Variants in TOP1 observed in about 807,000 individuals in gnomAD.
The protein encoded by TOP1 is DNA topoisomerase 1.
A neutral mutation model predicts 111.1 loss-of-function variants in TOP1; 10 were observed. The observed-to-expected ratio is 0.09, with a 90% confidence interval of 0.06 to 0.15. TOP1 has a LOEUF of 0.15. Ranked by LOEUF, TOP1 falls within the 10% of genes least tolerant of loss-of-function variation. TOP1 has a pLI of 1.00. For missense variants in TOP1, 474 were observed against 926.7 expected, an observed-to-expected ratio of 0.51 and a Z score of 6.34; for synonymous variants, 271 against 302.9, an observed-to-expected ratio of 0.89 and a Z score of 1.10.
At chr20:41,117,337 A>AAAT (rs2034346657) in intron 17 of TOP1, among the ~76,000 whole-genome samples, 1 of 151,748 alleles carries the variant, frequency 6.6e-6, no homozygotes, top group Admixed American at 6.6e-5. Flanking sequence ...GCTATCTCTA[A>AAAT]AATAATAATA....
chr20:41,100,273 A>G lies in TOP1; in HGVS notation c.1163+30A>G. The G allele has an allele frequency of 6.3e-7, 1 of 1,589,458 alleles. No individual in the cohort carries two copies. ...GCTCGCACTTCATCCTATGGGCCAAAAAGGGGGTGGAGGGCGTCCTTTATT... is the reference window on the plus strand; with the variant it reads ...GCTCGCACTTCATCCTATGGGCCAAGAAGGGGGTGGAGGGCGTCCTTTATT... On this transcript the variant is annotated intron_variant, in intron 12 of 20. Coordinates refer to ENST00000361337, the MANE Select transcript of TOP1 (RefSeq NM_003286.4). The surrounding 1 kb of genome is among the most constrained non-coding windows in gnomAD (Gnocchi z 4.4).
Position 41,092,848 on chromosome 20 carries a change from G to A in TOP1, c.730+261G>A, listed in dbSNP as rs1312514380. ...GGTTTGTCAACATGGCTAACAGTGT[G>A]TGGTCCACAAGCTGAAGGTTTTGAT... On this transcript the variant is annotated intron_variant, in intron 9 of 20. Coordinates refer to ENST00000361337, the MANE Select transcript of TOP1 (RefSeq NM_003286.4). The surrounding 1 kb of genome is among the most constrained non-coding windows in gnomAD (Gnocchi z 4.3). 6.6e-6 allele frequency among the ~76,000 whole-genome samples: 1 copy of A among 152,206 alleles called. No homozygotes were observed. The highest frequency in any genetic ancestry group is 2.4e-5 in the African/African-American group (1 of 41,458).
At chr20:41,049,184 A>C (rs1255164938) in intron 2 of TOP1, among the ~76,000 whole-genome samples, 1 of 152,226 alleles carries the variant, frequency 6.6e-6, no homozygotes, top group Admixed American at 6.5e-5. Flanking sequence ...CTGACCACTA[A>C]TCTCACACAG....
chr20:41,042,728 AAACTT>A (rs1233892188), intron 2 of TOP1, among the ~76,000 whole-genome samples: 1 of 152,240 alleles, frequency 6.6e-6, no homozygotes, highest in African/African-American at 2.4e-5. Context: ...GACTCCTCGA[AAACTT>A]AACTAATAGC....
At position 41,123,858 on chromosome 20, in the gene TOP1, C is replaced by T. The variant is rs904815338; in HGVS notation, c.*561C>T. ...AAACTTGAAGCAGTCGTGGCTTTGGCAGTGTTTTGGTTCAGACACCTGTTC... is the reference window on the plus strand; with the variant it reads ...AAACTTGAAGCAGTCGTGGCTTTGGTAGTGTTTTGGTTCAGACACCTGTTC... On this transcript the variant is annotated 3_prime_UTR_variant, in exon 21 of 21. Coordinates refer to ENST00000361337, the MANE Select transcript of TOP1 (RefSeq NM_003286.4). This position sits in a 1 kb window ranked among gnomAD's most constrained non-coding sequence, Gnocchi z 5.8. 2.2e-5 allele frequency: 5 copies of T among 232,488 alleles called. No individual in the cohort carries two copies. The highest frequency in any genetic ancestry group is 8.8e-5 in the African/African-American group (4 of 45,290). 14.4% of individuals were successfully genotyped at this position (232,488 alleles called of 1,614,324 possible). A position where few individuals can be genotyped will look rare whatever the true frequency, so the allele number is the denominator to read the frequency against.
At chr20:41,085,876 G>A (rs1022261936) in intron 8 of TOP1, among the ~76,000 whole-genome samples, 1 of 152,222 alleles carries the variant, frequency 6.6e-6, no homozygotes, top group Non-Finnish European at 1.5e-5. Context: ...TATGTGATTC[G>A]CATGTTGCTA....
At chr20:41,054,574 CTTGAG>C (rs979829941) in intron 2 of TOP1, among the ~76,000 whole-genome samples, 5 of 152,144 alleles carry the variant, frequency 3.3e-5, no homozygotes, top group African/African-American at 9.7e-5. Context: ...TGGTAAGAAA[CTTGAG>C]TTGAGATAGT....
intron 8 of TOP1, among the ~76,000 whole-genome samples, chr20:41,085,094 A>C (rs1005215468): frequency 6.6e-6 from 1 of 152,160 alleles, no homozygotes; most frequent in Admixed American, 6.5e-5. Flanking sequence ...AAAAAAAAAA[A>C]AAACTCAAGG....
chr20:41,060,979 C>T (rs1172832906), intron 2 of TOP1, among the ~76,000 whole-genome samples: 2 of 152,144 alleles, frequency 1.3e-5, no homozygotes, highest in Admixed American at 6.5e-5. Context: ...TTAGACATTA[C>T]ACCTTATTAA....
chr20:41,081,334 T>A, intron 7 of TOP1, 94 bp downstream of exon 7: 1 of 1,415,772 alleles, frequency 7.1e-7, no homozygotes, highest in Non-Finnish European at 9.3e-7. Context: ...TTTAGATATT[T>A]ATTGGCTTGT....
rs1329638280 is a variant in TOP1 at position 41,109,132 on chromosome 20, T to A, written c.1309-3650T>A. On this transcript the variant is annotated intron_variant, in intron 13 of 20. Coordinates refer to ENST00000361337, the MANE Select transcript of TOP1 (RefSeq NM_003286.4). This position sits in a 1 kb window ranked among gnomAD's most constrained non-coding sequence, Gnocchi z 4.1. ...GTGGGGTTCCAAAAATGTATGTGCT[T>A]ACAACCTTTTATATGTAACCACCTA... is the stretch of plus-strand genomic sequence containing the variant. 3.3e-5 allele frequency among the ~76,000 whole-genome samples: 5 copies of A among 152,230 alleles called. No individual in the cohort carries two copies. Among genetic ancestry groups the A allele is most frequent in the Non-Finnish European group, 7.3e-5 (5 of 68,036 alleles).
At chr20:41,117,246 G>A (rs1182110729) in intron 17 of TOP1, among the ~76,000 whole-genome samples, 2 of 151,894 alleles carry the variant, frequency 1.3e-5, no homozygotes, top group Non-Finnish European at 2.9e-5. Flanking sequence ...CCAGCTACCT[G>A]GGAGGCTGAG....
At chr20:41,066,825 A>C (rs964470263) in intron 3 of TOP1, among the ~76,000 whole-genome samples, 1 of 152,064 alleles carries the variant, frequency 6.6e-6, no homozygotes, top group African/African-American at 2.4e-5. Context: ...AAGTCTTGGG[A>C]TTACAGGCGT....
At position 41,115,657 on chromosome 20, in the gene TOP1, G is replaced by C. The variant is rs912289512; in HGVS notation, c.1707+218G>C. On this transcript the variant is annotated intron_variant, in intron 16 of 20. Coordinates refer to ENST00000361337, the MANE Select transcript of TOP1 (RefSeq NM_003286.4). This position sits in a 1 kb window ranked among gnomAD's most constrained non-coding sequence, Gnocchi z 6.3. ...GAACAACTGCTAAAGCACTCAGGGT[G>C]GGGGGTAGATGAGCCCTACCTTTTA... Among the ~76,000 whole-genome samples, 5 of 152,160 alleles carry C rather than the reference G, an allele frequency of 3.3e-5. No homozygotes were observed. Among genetic ancestry groups the C allele is most frequent in the Admixed American group, 6.5e-5 (1 of 15,280 alleles).
chr20:41,084,503 A>AGAT lies in TOP1; in HGVS notation c.549_550insGAT (p.Lys183_Lys184insAsp), dbSNP rs1372412294. 1 of 1,577,646 alleles carries AGAT rather than the reference A, an allele frequency of 6.3e-7. No homozygotes were observed. Among genetic ancestry groups the AGAT allele is most frequent in the South Asian group, 1.2e-5 (1 of 85,484 alleles). On this transcript the variant is annotated inframe_insertion, in exon 8 of 21. Coordinates refer to ENST00000361337, the MANE Select transcript of TOP1 (RefSeq NM_003286.4). ...AACCCAAGAATAAAGATAAAGATAA[A>AGAT]AAAGTTCCTGAGCCAGATAACAAGA...
Position 41,100,407 on chromosome 20 carries a change from G to A in TOP1, c.1163+164G>A, listed in dbSNP as rs1217926161. Among the ~76,000 whole-genome samples, 5 of 152,126 alleles carry A rather than the reference G, an allele frequency of 3.3e-5. No individual in the cohort carries two copies. The East Asian group carries it at 9.6e-4, about 29-fold the overall frequency. On this transcript the variant is annotated intron_variant, in intron 12 of 20. Transcript: ENST00000361337. This position sits in a 1 kb window ranked among gnomAD's most constrained non-coding sequence, Gnocchi z 4.4. ...CTCCAGATGTTTTTGAGGTACAGTTGTCTCCCCTCATCCACAGGGGATATG... is the reference window on the plus strand; with the variant it reads ...CTCCAGATGTTTTTGAGGTACAGTTATCTCCCCTCATCCACAGGGGATATG...
At chr20:41,081,523 A>G (rs750768205) in intron 7 of TOP1, among the ~76,000 whole-genome samples, 1 of 152,106 alleles carries the variant, frequency 6.6e-6, no homozygotes, top group Non-Finnish European at 1.5e-5. Context: ...TCCAAAAACT[A>G]TGTCATCTTC....
intron 2 of TOP1, among the ~76,000 whole-genome samples, chr20:41,041,544 C>G (rs2033264771): frequency 6.6e-6 from 1 of 152,072 alleles, no homozygotes; most frequent in Non-Finnish European, 1.5e-5. Flanking sequence ...CCTTTCTCCC[C>G]CCAGCTGGTT....
At chr20:41,033,347 CAAAA>C (rs34731706) in intron 2 of TOP1, among the ~76,000 whole-genome samples, 6 of 100,870 alleles carry the variant, frequency 5.9e-5, no homozygotes, top group South Asian at 3.4e-4. Flanking sequence ...CCAATAGCAG[CAAAA>C]AAAAAAAAAA....
Sources: allele counts gnomAD v4.1 joint callset (sites outside exome capture counted in the v4.1 genomes callset), GRCh38; gene constraint gnomAD v4.1.1; non-coding constraint Gnocchi (gnomAD v3.1); transcripts MANE v1.5; gene names NCBI Gene and HGNC (gene_info 2026-07-23, HGNC 2026-07-21).